MDGA2: variants seen among roughly 807,000 people sequenced by gnomAD.
MDGA2 encodes the protein MAM domain containing glycosylphosphatidylinositol anchor 2, also known as MAM domain-containing glycosylphosphatidylinositol anchor protein 2.
Under a neutral mutation model 117.8 loss-of-function variants are expected in MDGA2, and 40 were observed. The ratio of observed to expected loss-of-function variants is 0.34; its 90% CI spans 0.26 to 0.44. The LOEUF is 0.44. MDGA2 is among the 20% of genes least tolerant of loss of function. MDGA2 has a pLI of 1.00. For synonymous variants in MDGA2, 452 were observed against 439.0 expected (o/e 1.03, Z -0.37); for missense variants, 1,123 against 1,250.6 (o/e 0.90, Z 1.54).
chr14:47,140,933 C>T lies in MDGA2; in HGVS notation c.792+3145G>A, dbSNP rs1228126288. On this transcript the variant is annotated intron_variant, in intron 4 of 16. Transcript: ENST00000399232. ...ATAAGAGGTTAATATCTAGAAAATA[C>T]ACAGAACTCAACTCAATAGCAAAAA... 3.3e-5 allele frequency among the ~76,000 whole-genome samples: 5 copies of T among 151,938 alleles called. No homozygotes were observed. The South Asian group carries it at 6.2e-4, about 19-fold the overall frequency.
intron 1 of MDGA2, among the ~76,000 whole-genome samples, chr14:47,623,946 C>T (rs965854849): frequency 6.6e-6 from 1 of 152,048 alleles, no homozygotes; most frequent in Admixed American, 6.5e-5. Context: ...GAACAATGGC[C>T]GACTTCTTCT....
At chr14:47,181,749 A>G (rs149513986) in intron 3 of MDGA2, among the ~76,000 whole-genome samples, 1 of 152,102 alleles carries the variant, frequency 6.6e-6, no homozygotes, top group African/African-American at 2.4e-5. Context: ...CCTGATTTCT[A>G]TTTTCATATT....
rs1352193612 is a variant in MDGA2 at position 46,967,342 on chromosome 14, C to T, written c.1820-9699G>A. Among the ~76,000 whole-genome samples, 4 of 152,124 alleles carry T rather than the reference C, an allele frequency of 2.6e-5. No homozygotes were observed. The East Asian group carries it at 7.7e-4, about 29-fold the overall frequency. On this transcript the variant is annotated intron_variant, in intron 8 of 16. Coordinates refer to ENST00000399232, the MANE Select transcript of MDGA2 (RefSeq NM_001113498.3). ...ACATCTTCCCAAGTCAAAAGCATGC[C>T]CAACCAAATACTTGTTGTCTGGTTC... is the stretch of plus-strand genomic sequence containing the variant.
At chr14:47,522,442 G>A (rs1894891026) in intron 1 of MDGA2, among the ~76,000 whole-genome samples, 1 of 151,920 alleles carries the variant, frequency 6.6e-6, no homozygotes, top group African/African-American at 2.4e-5. Flanking sequence ...TAAAGAAACT[G>A]CCTTCTCTTT....
chr14:47,094,978 T>C (rs781034890), intron 6 of MDGA2, among the ~76,000 whole-genome samples: 5 of 152,072 alleles, frequency 3.3e-5, no homozygotes, highest in Non-Finnish European at 7.4e-5. Context: ...TGTGAATTCT[T>C]TGTTTTCTAT....
At chr14:47,106,130 G>A (rs1193493701) in intron 5 of MDGA2, among the ~76,000 whole-genome samples, 1 of 151,908 alleles carries the variant, frequency 6.6e-6, no homozygotes, top group African/African-American at 2.4e-5. Context: ...CCAGTTCATG[G>A]CTCATTTGGC....
intron 3 of MDGA2, among the ~76,000 whole-genome samples, chr14:47,177,954 T>G (rs1376338183): frequency 1.3e-5 from 2 of 152,070 alleles, no homozygotes; most frequent in African/African-American, 4.8e-5. Flanking sequence ...CTTAGAGGAT[T>G]AACTGCAAAT....
chr14:46,908,264 A>G (rs1423537899), intron 10 of MDGA2, among the ~76,000 whole-genome samples: 7 of 152,138 alleles, frequency 4.6e-5, no homozygotes, highest in African/African-American at 1.4e-4. Context: ...CTAAAGCTCT[A>G]GCTCTTTATT....
intron 15 of MDGA2, among the ~76,000 whole-genome samples, chr14:46,854,239 T>C (rs1246869634): frequency 6.6e-6 from 1 of 151,772 alleles, no homozygotes; most frequent in African/African-American, 2.4e-5. Context: ...TGTCATGAAA[T>C]AGATTTGAAT....
chr14:47,289,659 A>G (rs938281574), intron 2 of MDGA2, among the ~76,000 whole-genome samples: 29 of 152,142 alleles, frequency 1.9e-4, no homozygotes, highest in African/African-American at 7.0e-4. Context: ...TATAACTATG[A>G]GCAATGCAAT....
chr14:47,497,512 C>A (rs542901389), intron 1 of MDGA2, among the ~76,000 whole-genome samples: 6 of 152,250 alleles, frequency 3.9e-5, no homozygotes, highest in South Asian at 2.1e-4. Flanking sequence ...CCCGCCTCAA[C>A]CTCCTAAAGT....
At chr14:47,016,727 G>C (rs1045497424) in intron 8 of MDGA2, among the ~76,000 whole-genome samples, 4 of 151,892 alleles carry the variant, frequency 2.6e-5, no homozygotes, top group Non-Finnish European at 5.9e-5. Flanking sequence ...ACATGAGTAT[G>C]TTTTAAAGCA....
intron 8 of MDGA2, among the ~76,000 whole-genome samples, chr14:46,982,734 A>AAAAAAAAAAAAAAATAATAAT (rs1449356596): frequency 1.5e-5 from 2 of 130,322 alleles, no homozygotes; most frequent in Non-Finnish European, 3.4e-5. Flanking sequence ...AAAAAAAAAA[A>AAAAAAAAAAAAAAATAATAAT]AATCATGTCA....
intron 3 of MDGA2, among the ~76,000 whole-genome samples, chr14:47,177,361 C>T (rs1463037487): frequency 2.4e-4 from 36 of 152,174 alleles, no homozygotes; most frequent in Admixed American, 1.2e-3. Flanking sequence ...CGTATGTTTA[C>T]TGCGGCACTA....
At chr14:47,600,303 G>A (rs1004795209) in intron 1 of MDGA2, among the ~76,000 whole-genome samples, 2 of 151,460 alleles carry the variant, frequency 1.3e-5, no homozygotes, top group Non-Finnish European at 1.5e-5. Flanking sequence ...AGGTGGTGGC[G>A]TCCACCTGCA....
intron 3 of MDGA2, among the ~76,000 whole-genome samples, chr14:47,177,491 GTCCTTTGTAGGGA>G (rs1387869698): frequency 6.6e-6 from 1 of 152,164 alleles, no homozygotes; most frequent in Non-Finnish European, 1.5e-5. Flanking sequence ...ATGAGTTCAT[GTCCTTTGTAGGGA>G]CATGGATGAA....
chr14:47,184,944 G>A (rs113668220), intron 3 of MDGA2, among the ~76,000 whole-genome samples: 2,329 of 150,542 alleles, frequency 0.015, 70 homozygotes, highest in African/African-American at 0.051. Context: ...TAAATAAAAC[G>A]AAAACAAATA....
rs552507925 is a variant in MDGA2 at position 47,184,972 on chromosome 14, A to T, written c.595+33049T>A. On this transcript the variant is annotated intron_variant, in intron 3 of 16. Coordinates refer to ENST00000399232, the MANE Select transcript of MDGA2 (RefSeq NM_001113498.3). ...AACAAATAAATGGAATGAAAGAAAG[A>T]AAATGAAGCAAATAAACCATATAAA... is the stretch of plus-strand genomic sequence containing the variant. Among the ~76,000 whole-genome samples the T allele has an allele frequency of 1.7e-4, 26 of 151,534 alleles. No individual in the cohort carries two copies. In the South Asian group the frequency reaches 5.2e-3, roughly 30 times the overall value.
At chr14:47,113,357 T>C (rs1235401123) in intron 5 of MDGA2, among the ~76,000 whole-genome samples, 1 of 152,060 alleles carries the variant, frequency 6.6e-6, no homozygotes, top group Admixed American at 6.6e-5. Context: ...CGGATGGATT[T>C]ACTGAAACTA....
Sources: gnomAD v4.1 joint callset for allele counts (sites outside exome capture counted in the v4.1 genomes callset) on GRCh38, gnomAD v4.1.1 for gene constraint, MANE v1.5 for transcripts, NCBI Gene and HGNC (gene_info 2026-07-23, HGNC 2026-07-21) for gene names.